ATP9A: variants seen among roughly 807,000 people sequenced by gnomAD.
The protein encoded by ATP9A is probable phospholipid-transporting ATPase IIA.
Under a neutral mutation model 144.1 loss-of-function variants are expected in ATP9A, and 52 were observed. That is an observed-to-expected ratio of 0.36 (90% confidence interval 0.29 to 0.45). ATP9A has a LOEUF of 0.45. Ranked by LOEUF, ATP9A falls within the 20% of genes least tolerant of loss-of-function variation. The pLI, the probability that ATP9A is intolerant of heterozygous loss-of-function variation, is 1.00. For missense variants in ATP9A, 947 were observed against 1,392.7 expected (o/e 0.68, Z 5.09); for synonymous variants, 582 against 557.4 (o/e 1.04, Z -0.62).
At chr20:51,718,387 T>C (rs561545830) in intron 3 of ATP9A, among the ~76,000 whole-genome samples, 2 of 150,856 alleles carry the variant, frequency 1.3e-5, no homozygotes, top group Non-Finnish European at 2.9e-5. Context: ...GGGGGGTTGT[T>C]TGTTTGGTTG....
rs558963868 is a variant in ATP9A, at chr20:51,639,684, G to A, written c.1507-180C>T. The stretch of plus-strand genomic sequence containing the variant: ...ACAGTGTCTGTTCCTCTGGGTCTAT[G>A]AGGGCTCCCACACTGAAAGCTGCCC... On this transcript the variant is annotated intron_variant, in intron 14 of 27. Coordinates refer to ENST00000338821, the MANE Select transcript of ATP9A (RefSeq NM_006045.3). Among the ~76,000 whole-genome samples the A allele has an allele frequency of 7.9e-4, 121 of 152,302 alleles. No homozygotes were observed. The Middle Eastern group carries it at 0.01, about 13-fold the overall frequency.
In ATP9A at chr20:51,611,998, T is replaced by C. The variant is rs1390151449; in HGVS notation, c.2571+1679A>G. Among the ~76,000 whole-genome samples the C allele has an allele frequency of 2.0e-5, 3 of 152,280 alleles. No individual in the cohort carries two copies. The highest frequency in any genetic ancestry group is 7.2e-5 in the African/African-American group (3 of 41,476). ...TACAAGGCAGACCGCCTTTCAAGTA[T>C]GATTAAACATTCTCACAAATTAAAA... On this transcript the variant is annotated intron_variant, in intron 23 of 27. Coordinates refer to ENST00000338821, the MANE Select transcript of ATP9A (RefSeq NM_006045.3). The surrounding 1 kb of genome is among the most constrained non-coding windows in gnomAD (Gnocchi z 4.2).
intron 18 of ATP9A, 25 bp from the exon 19 acceptor site, chr20:51,622,197 C>T (rs1328134731): frequency 1.9e-6 from 3 of 1,601,490 alleles, no homozygotes; most frequent in African/African-American, 2.7e-5. Context: ...TGACAGAGGT[C>T]CTGTTTATTA....
rs56043552 is a variant in ATP9A, at chr20:51,638,071, TTATATATATATATATATATATATA to T, written c.1668+1248_1668+1271del. Among the ~76,000 whole-genome samples, 238 of 34,198 alleles carry T rather than the reference TTATATATATATATATATATATATA, an allele frequency of 7.0e-3. 5 individuals carry two copies. The highest frequency in any genetic ancestry group is 0.016 in the African/African-American group (187 of 11,632). 22.4% of individuals were successfully genotyped at this position (34,198 alleles called of 152,430 possible). A position where few individuals can be genotyped will look rare whatever the true frequency, so the allele number is the denominator to read the frequency against. On this transcript the variant is annotated intron_variant, in intron 15 of 27. Coordinates refer to ENST00000338821, the MANE Select transcript of ATP9A (RefSeq NM_006045.3). ...CATGGCTAAGTAGCATTTCATCATT[TTATATATATATATATATATATATA>T]TATATATATATATATATATATATAT...
intron 4 of ATP9A, among the ~76,000 whole-genome samples, chr20:51,712,044 C>T (rs2077641195): frequency 6.9e-6 from 1 of 145,502 alleles, no homozygotes; most frequent in Non-Finnish European, 1.5e-5. Context: ...GTAGCAGAGA[C>T]AGGGTTTCCA....
intron 17 of ATP9A, among the ~76,000 whole-genome samples, chr20:51,625,919 C>T (rs960448942): frequency 1.3e-5 from 2 of 152,168 alleles, no homozygotes; most frequent in Non-Finnish European, 1.5e-5. Flanking sequence ...TAGCATTGAT[C>T]GGGGCTAAAA....
At chr20:51,718,090 G>A (rs1050503020) in intron 3 of ATP9A, among the ~76,000 whole-genome samples, 2 of 152,210 alleles carry the variant, frequency 1.3e-5, no homozygotes, top group African/African-American at 4.8e-5. Context: ...TGCAGCCAGG[G>A]CAATGGATAA....
In ATP9A at chr20:51,609,277, C is replaced by T. The variant is rs145096526; in HGVS notation, c.2637-651G>A. On this transcript the variant is annotated intron_variant, in intron 24 of 27. Transcript: ENST00000338821. The stretch of plus-strand genomic sequence containing the variant: ...GTTCTTGTACTCTTCCAGAACCCGA[C>T]GAAAGACAGCCCGCTTTTCCAGTTA... 5.9e-5 allele frequency among the ~76,000 whole-genome samples: 9 copies of T among 152,242 alleles called. No individual in the cohort carries two copies. The East Asian group carries it at 1.7e-3, about 29-fold the overall frequency.
intron 15 of ATP9A, among the ~76,000 whole-genome samples, chr20:51,635,073 G>T (rs1054516710): frequency 2.0e-5 from 3 of 152,086 alleles, no homozygotes; most frequent in African/African-American, 7.2e-5. Context: ...TCTGATAACA[G>T]CATGAGGCTG....
intron 14 of ATP9A, among the ~76,000 whole-genome samples, chr20:51,652,043 C>T (rs2122763917): frequency 6.6e-6 from 1 of 152,304 alleles, no homozygotes; most frequent in Admixed American, 6.5e-5. Flanking sequence ...CTGGCTCAAA[C>T]CAAGAAACAA....
At chr20:51,674,938 G>A (rs769491766) in intron 10 of ATP9A, among the ~76,000 whole-genome samples, 3 of 152,092 alleles carry the variant, frequency 2.0e-5, no homozygotes, top group Admixed American at 6.6e-5. Flanking sequence ...TCAGCCTCCC[G>A]ATAAGCTGGG....
chr20:51,709,523 A>G (rs1255643108), intron 4 of ATP9A, among the ~76,000 whole-genome samples: 2 of 152,120 alleles, frequency 1.3e-5, no homozygotes, highest in African/African-American at 4.8e-5. Context: ...GAAAAAAAGC[A>G]ACTGTGCAGC....
chr20:51,742,321 T>A, intron 1 of ATP9A, among the ~76,000 whole-genome samples: 1 of 120,084 alleles, frequency 8.3e-6, no homozygotes, highest in Non-Finnish European at 1.8e-5. Flanking sequence ...CAAAACACTG[T>A]CTCAAAAAAA....
intron 4 of ATP9A, among the ~76,000 whole-genome samples, chr20:51,709,402 C>T (rs1601118857): frequency 6.6e-6 from 1 of 152,126 alleles, no homozygotes; most frequent in Non-Finnish European, 1.5e-5. Flanking sequence ...GTAATCCCAG[C>T]TACTCGGGAG....
intron 13 of ATP9A, among the ~76,000 whole-genome samples, chr20:51,661,314 G>A (rs1026010330): frequency 4.6e-5 from 7 of 151,868 alleles, no homozygotes; most frequent in African/African-American, 1.7e-4. Context: ...CCACATATGG[G>A]CATTCATACT....
chr20:51,631,648 G>A (rs1319688129), intron 15 of ATP9A, among the ~76,000 whole-genome samples: 1 of 152,168 alleles, frequency 6.6e-6, no homozygotes, highest in Non-Finnish European at 1.5e-5. Flanking sequence ...CGGCTGTGTG[G>A]CATTGTTTGG....
In ATP9A at chr20:51,604,938, G is replaced by A; in HGVS notation, c.2886C>T (p.Ile962=). 1 of 1,613,510 alleles carries A rather than the reference G, an allele frequency of 6.2e-7. No individual in the cohort carries two copies. Among genetic ancestry groups the A allele is most frequent in the Non-Finnish European group, 8.5e-7 (1 of 1,179,760 alleles). Reference sequence around the variant, plus strand: ...GCGCCACCATGAGCAGCTCGGTGAGGATCAGCGAGGTGAAGGAGATGGCCA... The same window carrying A: ...GCGCCACCATGAGCAGCTCGGTGAGAATCAGCGAGGTGAAGGAGATGGCCA... ...HIVAISFTSL[I]LTELLMVALT... The change falls in exon 27 of 28, where the codon ATC becomes ATT. Residue 962 remains isoleucine, a synonymous_variant. Transcript: ENST00000338821.
chr20:51,608,217 G>C (rs931992333), intron 25 of ATP9A, among the ~76,000 whole-genome samples: 3 of 152,182 alleles, frequency 2.0e-5, no homozygotes, highest in African/African-American at 7.2e-5. Flanking sequence ...ACGTTAAGTT[G>C]CAACTGCAAA....
intron 1 of ATP9A, among the ~76,000 whole-genome samples, chr20:51,757,990 C>T (rs899074591): frequency 2.0e-5 from 3 of 152,088 alleles, no homozygotes; most frequent in African/African-American, 7.2e-5. Context: ...GTTTAGACTG[C>T]GCCATTTCAG....
Sources: gnomAD v4.1 joint callset for allele counts (sites outside exome capture counted in the v4.1 genomes callset) on GRCh38, gnomAD v4.1.1 for gene constraint, Gnocchi (gnomAD v3.1) non-coding constraint, MANE v1.5 for transcripts, NCBI Gene and HGNC (gene_info 2026-07-23, HGNC 2026-07-21) for gene names.